TMEM8B: variants seen among roughly 807,000 people sequenced by gnomAD.
The protein encoded by TMEM8B is transmembrane protein 8B.
Under a neutral mutation model 49.3 loss-of-function variants are expected in TMEM8B, and 29 were observed. The ratio of observed to expected loss-of-function variants is 0.59; its 90% CI spans 0.44 to 0.80. The LOEUF is 0.80. Ranked by LOEUF, TMEM8B falls within the 30% of genes least tolerant of loss-of-function variation. The probability of loss-of-function intolerance (pLI) is 0.00; values close to 1 mark genes in which losing one functional copy is unlikely to be tolerated. For synonymous variants in TMEM8B, 264 were observed against 272.8 expected, an observed-to-expected ratio of 0.97 and a Z score of 0.32; for missense variants, 575 against 658.5, an observed-to-expected ratio of 0.87 and a Z score of 1.39.
At chr9:35,845,410 C>G (rs1427612927) in intron 6 of TMEM8B, 2 of 985,272 alleles carry the variant, frequency 2.0e-6, no homozygotes, top group Non-Finnish European at 2.4e-6. Flanking sequence ...TGCCTTTATT[C>G]TTGTAGACAA....
rs1017690076 is a variant in TMEM8B, at chr9:35,861,092, A to G, written c.*7252A>G. 2 of 152,290 alleles carry G rather than the reference A, an allele frequency of 1.3e-5. No homozygotes were observed. Among genetic ancestry groups the G allele is most frequent in the African/African-American group, 4.8e-5 (2 of 41,462 alleles). The allele number at this position is 152,290 out of a possible 1,614,324, so 9.4% of individuals were successfully genotyped here. ...AGCTGAGTGTGAACTTTTATCACTCAGAAGATATAATCCACCTCTCCCCTC... is the reference window on the plus strand; with the variant it reads ...AGCTGAGTGTGAACTTTTATCACTCGGAAGATATAATCCACCTCTCCCCTC... On this transcript the variant is annotated 3_prime_UTR_variant, in exon 13 of 13. Coordinates refer to ENST00000643932, the MANE Select transcript of TMEM8B (RefSeq NM_001042590.4).
In TMEM8B at chr9:35,853,056, C is replaced by A; in HGVS notation, c.2322+83C>A. On this transcript the variant is annotated intron_variant, in intron 11 of 12. Transcript: ENST00000643932. The surrounding 1 kb of genome is among the most constrained non-coding windows in gnomAD (Gnocchi z 4.2). ...CCTGACCTCTCCCTGGGGGCATTTC[C>A]AAGTGCCTCTCATGATTCTGACCCA... is the stretch of plus-strand genomic sequence containing the variant. The A allele has an allele frequency of 6.2e-7, 1 of 1,608,374 alleles. No homozygotes were observed. The highest frequency in any genetic ancestry group is 8.5e-7 in the Non-Finnish European group (1 of 1,175,614).
intron 10 of TMEM8B, chr9:35,847,205 T>G (rs370806781): frequency 1.5e-4 from 237 of 1,532,340 alleles, no homozygotes; most frequent in Non-Finnish European, 2.0e-4. Flanking sequence ...CAAAACTGTT[T>G]GCAACTTAAT....
intron 10 of TMEM8B, 84 bp downstream of exon 10, chr9:35,847,079 G>A: frequency 6.2e-6 from 10 of 1,614,200 alleles, no homozygotes; most frequent in Non-Finnish European, 8.5e-6. Context: ...CGTTCTCCGA[G>A]GGTTTGGGAA....
intron 3 of TMEM8B, 74 bp downstream of exon 3, chr9:35,835,292 T>C: frequency 2.4e-6 from 1 of 409,534 alleles, no homozygotes. Flanking sequence ...CCACAGGCTC[T>C]CTGGCACACC....
At chr9:35,849,172 G>T (rs758100907) in intron 10 of TMEM8B, among the ~76,000 whole-genome samples, 6 of 152,056 alleles carry the variant, frequency 3.9e-5, no homozygotes, top group Non-Finnish European at 7.4e-5. Flanking sequence ...GTCCATTTAA[G>T]GACCCATTGG....
Position 35,845,831 on chromosome 9 carries a change from TGA to T in TMEM8B, c.1636-138_1636-137del, listed in dbSNP as rs1160882959. 3.3e-6 allele frequency: 5 copies of T among 1,532,070 alleles called. No homozygotes were observed. The East Asian group carries it at 9.2e-5, about 28-fold the overall frequency. The allele number at this position is 1,532,070 out of a possible 1,614,324, so 94.9% of individuals were successfully genotyped here. Reference sequence around the variant, plus strand: ...AGTTTTTCTGTTCTGAGAATGGAGGTGAGAGAGCAGCTTTGGCGTGGAGAGCG... The same window carrying T: ...AGTTTTTCTGTTCTGAGAATGGAGGTGAGAGCAGCTTTGGCGTGGAGAGCG... On this transcript the variant is annotated intron_variant, in intron 6 of 12. Transcript: ENST00000643932.
At chr9:35,847,149 T>A (rs767860518) in intron 10 of TMEM8B, 154 bp downstream of exon 10, 1 of 1,612,108 alleles carries the variant, frequency 6.2e-7, no homozygotes, top group South Asian at 1.1e-5. Context: ...CAAACTGTCA[T>A]GCATAGATAA....
intron 3 of TMEM8B, among the ~76,000 whole-genome samples, chr9:35,836,572 A>G (rs756150511): frequency 5.3e-5 from 8 of 152,222 alleles, no homozygotes; most frequent in Non-Finnish European, 7.3e-5. Context: ...AGGCCCAGTT[A>G]GAAGTGGTCA....
At position 35,852,848 on chromosome 9, in the gene TMEM8B, C is replaced by T; in HGVS notation, c.2197C>T (p.Pro733Ser). ...TCAGTTCTATCATGCCTGTGACCAG[C>T]CAGGCATCGTGGTTTTCTGCATCAT... is the stretch of plus-strand genomic sequence containing the variant. ...FSTFYHACDQ[P>S]GIVVFCIMDY... is the part of the protein sequence containing the mutation. Residue 733 changes from proline (P) to serine (S), a missense_variant, in exon 11 of 13, where the codon CCA (proline) becomes TCA (serine). Pro to Ser is a moderately conservative substitution (Grantham distance 74, BLOSUM62 -1). Transcript: ENST00000643932. 1 of 1,614,170 alleles carries T rather than the reference C, an allele frequency of 6.2e-7. No individual in the cohort carries two copies. Among genetic ancestry groups the T allele is most frequent in the Non-Finnish European group, 8.5e-7 (1 of 1,180,020 alleles).
In TMEM8B at chr9:35,853,633, C is replaced by G. The variant is rs142776536; in HGVS notation, c.2568C>G (p.Asp856Glu). ...VLLYAFVETR[D>E]NYFYIHSIWH... is the part of the protein sequence containing the mutation. ...TTTATGCTTTTGTGGAGACCCGGGA[C>G]AACTACTTCTACATTCACAGCATTT... The change falls in exon 13 of 13, where the codon GAC (aspartate) becomes GAG (glutamate). Residue 856 changes from aspartate to glutamate, a missense_variant. Coordinates refer to ENST00000643932, the MANE Select transcript of TMEM8B (RefSeq NM_001042590.4). The surrounding 1 kb of genome is among the most constrained non-coding windows in gnomAD (Gnocchi z 4.2). 112 of 1,614,242 alleles carry G rather than the reference C, an allele frequency of 6.9e-5. No homozygotes were observed. In the African/African-American group the frequency reaches 1.4e-3, roughly 20 times the overall value.
rs547884098 is a variant in TMEM8B, at chr9:35,863,364, A to G, written c.*9524A>G. On this transcript the variant is annotated 3_prime_UTR_variant, in exon 13 of 13. Coordinates refer to ENST00000643932, the MANE Select transcript of TMEM8B (RefSeq NM_001042590.4). Reference sequence around the variant, plus strand: ...CATGGTGGGTTTTCCTCACAACTTAAAAGTCTGATCGTAACACATTCATGG... The same window carrying G: ...CATGGTGGGTTTTCCTCACAACTTAGAAGTCTGATCGTAACACATTCATGG... 4 of 152,288 alleles carry G rather than the reference A, an allele frequency of 2.6e-5. No individual in the cohort carries two copies. In the East Asian group the frequency reaches 7.7e-4, roughly 29 times the overall value. 9.4% of individuals were successfully genotyped at this position (152,288 alleles called of 1,614,324 possible).
chr9:35,850,178 T>C (rs1564042335), intron 10 of TMEM8B, among the ~76,000 whole-genome samples: 2 of 152,180 alleles, frequency 1.3e-5, no homozygotes, highest in Admixed American at 6.5e-5. Flanking sequence ...GCGTTTATAG[T>C]CCACATTCTG....
Position 35,847,003 on chromosome 9 carries a change from G to T in TMEM8B, c.2175+8G>T. 6.2e-7 allele frequency: 1 copy of T among 1,614,222 alleles called. No individual in the cohort carries two copies. Among genetic ancestry groups the T allele is most frequent in the Non-Finnish European group, 8.5e-7 (1 of 1,180,040 alleles). The stretch of plus-strand genomic sequence containing the variant: ...ACCATGTTCTTCTCCACGGTATGCG[G>T]TGGTGTCTGCATCTTATCACTGGGT... On this transcript the variant is annotated splice_region_variant and intron_variant, in intron 10 of 12. Coordinates refer to ENST00000643932, the MANE Select transcript of TMEM8B (RefSeq NM_001042590.4).
Position 35,859,905 on chromosome 9 carries a change from C to G in TMEM8B, c.*6065C>G, listed in dbSNP as rs1309134365. 1 of 153,170 alleles carries G rather than the reference C, an allele frequency of 6.5e-6. No homozygotes were observed. Among genetic ancestry groups the G allele is most frequent in the Middle Eastern group, 3.2e-3 (1 of 316 alleles). The allele number at this position is 153,170 out of a possible 1,614,324, so 9.5% of individuals were successfully genotyped here. ...ATGCCCAGGCAGAACACAAACAGGA[C>G]CACCTCCAGGTTACAGTGCTCGTGT... is the stretch of plus-strand genomic sequence containing the variant. On this transcript the variant is annotated 3_prime_UTR_variant, in exon 13 of 13. Coordinates refer to ENST00000643932, the MANE Select transcript of TMEM8B (RefSeq NM_001042590.4).
At chr9:35,840,571 C>T (rs766812410) in intron 3 of TMEM8B, among the ~76,000 whole-genome samples, 3 of 151,942 alleles carry the variant, frequency 2.0e-5, no homozygotes, top group East Asian at 1.9e-4. Flanking sequence ...TAGGGCCGCT[C>T]ATTACCTGGG....
At position 35,844,734 on chromosome 9, in the gene TMEM8B, A is replaced by G. The variant is rs7046470; in HGVS notation, c.1636-1241A>G. ...TACGCATACTTGTTCTTTCTTCCTC[A>G]GTACCCTGAGAATAGAAGCCTAGCC... On this transcript the variant is annotated intron_variant, in intron 6 of 12. Transcript: ENST00000643932. 1.1e-3 allele frequency among the ~76,000 whole-genome samples: 162 copies of G among 152,344 alleles called. 1 individual carries two copies. The highest frequency in any genetic ancestry group is 3.8e-3 in the African/African-American group (156 of 41,568).
intron 1 of TMEM8B, among the ~76,000 whole-genome samples, chr9:35,832,166 G>GT (rs1829968376): frequency 8.5e-6 from 1 of 117,444 alleles, no homozygotes; most frequent in Non-Finnish European, 1.8e-5. Context: ...TGTAGGTGTA[G>GT]GGGTGTGTGT....
chr9:35,834,031 TACACACACACACACACACACACAC>T (rs377460934), intron 1 of TMEM8B, among the ~76,000 whole-genome samples: 3 of 138,322 alleles, frequency 2.2e-5, no homozygotes, highest in African/African-American at 8.1e-5. Context: ...CATGCCAAAA[TACACACACACACACACACACACAC>T]ACACACACAC....
Sources: gnomAD v4.1 joint callset for allele counts (sites outside exome capture counted in the v4.1 genomes callset) on GRCh38, gnomAD v4.1.1 for gene constraint, Gnocchi (gnomAD v3.1) non-coding constraint, MANE v1.5 for transcripts, NCBI Gene and HGNC (gene_info 2026-07-23, HGNC 2026-07-21) for gene names.